The following CDH8 variants were observed in gnomAD, a reference collection of about 807,000 sequenced individuals.
The protein encoded by CDH8 is cadherin 8.
In CDH8, 17 loss-of-function variants were observed where a neutral mutation model predicts 68.1. The ratio of observed to expected loss-of-function variants is 0.25; its 90% confidence interval spans 0.17 to 0.37. The LOEUF (loss-of-function observed/expected upper bound fraction) is 0.37, where lower values mean the gene tolerates loss of function less well. CDH8 is among the 10% of genes least tolerant of loss of function. The probability of loss-of-function intolerance (pLI) is 1.00; values close to 1 mark genes in which losing one functional copy is unlikely to be tolerated. For synonymous variants in CDH8, 372 were observed against 365.1 expected, an observed-to-expected ratio of 1.02 and a Z score of -0.21; for missense variants, 763 against 999.3, an observed-to-expected ratio of 0.76 and a Z score of 3.19.
intron 8 of CDH8, among the ~76,000 whole-genome samples, chr16:61,742,470 T>C (rs1445379760): frequency 6.6e-6 from 1 of 152,126 alleles, no homozygotes; most frequent in African/African-American, 2.4e-5. Flanking sequence ...GATCTGATAT[T>C]TACTATATGT....
chr16:61,806,478 A>G, intron 7 of CDH8, among the ~76,000 whole-genome samples: 1 of 124,866 alleles, frequency 8.0e-6, no homozygotes, highest in Non-Finnish European at 1.7e-5. Flanking sequence ...AATGGGATCT[A>G]ATTAAACTAA....
intron 8 of CDH8, among the ~76,000 whole-genome samples, chr16:61,773,523 G>A (rs1267369219): frequency 1.3e-5 from 2 of 152,040 alleles, no homozygotes; most frequent in Non-Finnish European, 2.9e-5. Context: ...GAGAAGATGG[G>A]AGTACTATGT....
intron 2 of CDH8, among the ~76,000 whole-genome samples, chr16:62,002,419 C>T (rs916053202): frequency 5.9e-5 from 9 of 152,130 alleles, no homozygotes; most frequent in Admixed American, 2.0e-4. Flanking sequence ...AGGAACTATA[C>T]GACTTCATTA....
At chr16:62,017,538 C>G (rs1345999928) in intron 2 of CDH8, among the ~76,000 whole-genome samples, 1 of 152,000 alleles carries the variant, frequency 6.6e-6, no homozygotes, top group Non-Finnish European at 1.5e-5. Flanking sequence ...ACAAAAATAG[C>G]CAAGCATGGT....
chr16:62,010,717 TC>T (rs1203788819), intron 2 of CDH8, among the ~76,000 whole-genome samples: 1 of 152,116 alleles, frequency 6.6e-6, no homozygotes, highest in African/African-American at 2.4e-5. Context: ...GATGGGCGAA[TC>T]ACCTGAGGTT....
At chr16:61,842,225 A>C (rs1279295799) in intron 4 of CDH8, among the ~76,000 whole-genome samples, 1 of 151,912 alleles carries the variant, frequency 6.6e-6, no homozygotes, top group African/African-American at 2.4e-5. Flanking sequence ...GTATGGTTTT[A>C]ATGTTTGCTC....
At chr16:61,761,941 C>T (rs1029683466) in intron 8 of CDH8, among the ~76,000 whole-genome samples, 1 of 152,054 alleles carries the variant, frequency 6.6e-6, no homozygotes, top group Non-Finnish European at 1.5e-5. Context: ...GTTGAGGCTA[C>T]AGTGAGCTGA....
intron 8 of CDH8, chr16:61,743,407 C>A (rs72796896): frequency 0.084 from 13,145 of 156,584 alleles, 659 homozygotes; most frequent in African/African-American, 0.12. Flanking sequence ...GCTTAGCCAG[C>A]CAGATCAGCC....
At chr16:61,854,315 C>A (rs922335566) in intron 4 of CDH8, among the ~76,000 whole-genome samples, 1 of 152,030 alleles carries the variant, frequency 6.6e-6, no homozygotes, top group Non-Finnish European at 1.5e-5. Flanking sequence ...ACATCCCAGC[C>A]AATGACTGAG....
At position 61,857,108 on chromosome 16, in the gene CDH8, A is replaced by G; in HGVS notation, c.667+11T>C. The stretch of plus-strand genomic sequence containing the variant: ...ACATGGCAAATATAATTCGAAATTT[A>G]GGCCACAAACCTGTTTCAGGCTCAA... On this transcript the variant is annotated intron_variant, in intron 4 of 11. Transcript: ENST00000577390. 6.2e-7 allele frequency: 1 copy of G among 1,613,138 alleles called. No homozygotes were observed. The highest frequency in any genetic ancestry group is 8.5e-7 in the Non-Finnish European group (1 of 1,179,310).
chr16:61,869,270 C>T (rs1285838806), intron 3 of CDH8, among the ~76,000 whole-genome samples: 1 of 152,088 alleles, frequency 6.6e-6, no homozygotes, highest in Non-Finnish European at 1.5e-5. Flanking sequence ...AGCTAGCTCA[C>T]AGCCTACCAG....
At chr16:61,766,579 C>T (rs977941592) in intron 8 of CDH8, among the ~76,000 whole-genome samples, 2 of 151,834 alleles carry the variant, frequency 1.3e-5, no homozygotes, top group African/African-American at 2.4e-5. Context: ...TTTCCATAGA[C>T]GTTATACTAG....
intron 8 of CDH8, among the ~76,000 whole-genome samples, chr16:61,750,136 G>C (rs1325005047): frequency 6.6e-6 from 1 of 151,970 alleles, no homozygotes; most frequent in Non-Finnish European, 1.5e-5. Flanking sequence ...ATGTTTACCT[G>C]CCACTTATAA....
At chr16:61,891,325 T>C (rs1294310815) in intron 3 of CDH8, among the ~76,000 whole-genome samples, 1 of 151,186 alleles carries the variant, frequency 6.6e-6, no homozygotes, top group African/African-American at 2.4e-5. Flanking sequence ...ATCACAAAAG[T>C]TACTCAAATA....
At chr16:61,775,036 A>C (rs577520886) in intron 8 of CDH8, among the ~76,000 whole-genome samples, 1 of 152,098 alleles carries the variant, frequency 6.6e-6, no homozygotes, top group African/African-American at 2.4e-5. Context: ...TGAAATTATA[A>C]AGAATCTATA....
At position 61,655,564 on chromosome 16, in the gene CDH8, G is replaced by T; in HGVS notation, c.1812C>A (p.Val604=). The change falls in exon 11 of 12, where the codon GTC becomes GTA. Residue 604 remains valine (V), a synonymous_variant. Transcript: ENST00000577390. The stretch of plus-strand genomic sequence containing the variant: ...AAGCTTCGACATTGCAAGACTGGAC[G>T]ACACCGTCATTGCTGCAGCCACAGA... The part of the protein sequence containing the change: ...IRVCGCSNDG[V]VQSCNVEAYV... 2.5e-6 allele frequency: 4 copies of T among 1,614,086 alleles called. No homozygotes were observed. Among genetic ancestry groups the T allele is most frequent in the Non-Finnish European group, 3.4e-6 (4 of 1,180,012 alleles).
At chr16:61,822,819 T>G (rs1962246288) in intron 5 of CDH8, among the ~76,000 whole-genome samples, 1 of 151,894 alleles carries the variant, frequency 6.6e-6, no homozygotes, top group Non-Finnish European at 1.5e-5. Flanking sequence ...GGCCGCGCCG[T>G]GCTGCTAGTC....
intron 10 of CDH8, among the ~76,000 whole-genome samples, chr16:61,687,610 T>G (rs1469769885): frequency 6.6e-6 from 1 of 152,012 alleles, no homozygotes; most frequent in Non-Finnish European, 1.5e-5. Flanking sequence ...CAAACCTTCC[T>G]GCCAGAAGTA....
rs190621330 is a variant in CDH8, at chr16:61,829,432, T to C, written c.668-4253A>G. ...GATCCCAAAATACACGTTACAAAAC[T>C]GGGACTCTGTCCAAGTGCCAAACAT... On this transcript the variant is annotated intron_variant, in intron 4 of 11. Coordinates refer to ENST00000577390, the MANE Select transcript of CDH8 (RefSeq NM_001796.5). Among the ~76,000 whole-genome samples the C allele has an allele frequency of 2.4e-3, 366 of 151,954 alleles. 4 individuals are homozygous for C. Among genetic ancestry groups the C allele is most frequent in the Admixed American group, 7.9e-3 (121 of 15,224 alleles).
Sources: gnomAD v4.1 joint callset for allele counts (sites outside exome capture counted in the v4.1 genomes callset) on GRCh38, gnomAD v4.1.1 for gene constraint, MANE v1.5 for transcripts, NCBI Gene and HGNC (gene_info 2026-07-23, HGNC 2026-07-21) for gene names.